The following GRM8 variants were observed in gnomAD, a reference collection of about 807,000 sequenced individuals.
GRM8 encodes the protein metabotropic glutamate receptor 8.
Under a neutral mutation model 87.2 loss-of-function variants are expected in GRM8, and 47 were observed. That is an observed-to-expected ratio of 0.54 (90% CI 0.43 to 0.69). GRM8 has a LOEUF of 0.69. GRM8 is among the 30% of genes least tolerant of loss of function. The probability of loss-of-function intolerance (pLI) is 0.00; values close to 1 mark genes in which losing one functional copy is unlikely to be tolerated. For synonymous variants in GRM8, 396 were observed against 404.5 expected, an observed-to-expected ratio of 0.98 and a Z score of 0.25; for missense variants, 1,019 against 1,139.2, an observed-to-expected ratio of 0.89 and a Z score of 1.52.
chr7:126,570,593 T>C (rs142921621), intron 8 of GRM8, among the ~76,000 whole-genome samples: 39 of 152,344 alleles, frequency 2.6e-4, no homozygotes, highest in South Asian at 6.2e-4. Context: ...CACCCATTTA[T>C]TGGAAGGTTG....
chr7:126,462,924 G>A (rs1308077330), intron 9 of GRM8, among the ~76,000 whole-genome samples: 3 of 151,596 alleles, frequency 2.0e-5, no homozygotes, highest in Non-Finnish European at 3.0e-5. Context: ...ATGTGGCATA[G>A]GTAGCTAACA....
chr7:127,029,992 T>C (rs1296092015), intron 3 of GRM8, among the ~76,000 whole-genome samples: 3 of 152,076 alleles, frequency 2.0e-5, no homozygotes, highest in Non-Finnish European at 4.4e-5. Context: ...TTTATGTGCC[T>C]GGCGAATAAA....
chr7:127,116,203 T>A (rs1318826794), intron 2 of GRM8, among the ~76,000 whole-genome samples: 1 of 152,228 alleles, frequency 6.6e-6, no homozygotes, highest in South Asian at 2.1e-4. Context: ...AATTTTGCCT[T>A]TTTAAAAAAT....
At chr7:126,979,063 G>GA (rs1368692430) in intron 3 of GRM8, among the ~76,000 whole-genome samples, 5 of 152,162 alleles carry the variant, frequency 3.3e-5, no homozygotes, top group Non-Finnish European at 7.3e-5. Flanking sequence ...GTAAAGATCT[G>GA]AAGCATACTT....
intron 7 of GRM8, 79 bp from the exon 8 acceptor site, chr7:126,609,577 G>A: frequency 1.9e-6 from 2 of 1,049,874 alleles, no homozygotes; most frequent in Non-Finnish European, 1.4e-6. Context: ...TAGAAGGAAT[G>A]GTAGATAAAA....
rs551489318 is a variant in GRM8 at position 126,972,266 on chromosome 7, T to C, written c.728-67583A>G. ...TAACACATTCAAGAACCAGTCAATT[T>C]GGTGAAAAAAGAAAAATCAAATTGC... On this transcript the variant is annotated intron_variant, in intron 3 of 10. Coordinates refer to ENST00000339582, the MANE Select transcript of GRM8 (RefSeq NM_000845.3). 6.6e-5 allele frequency among the ~76,000 whole-genome samples: 10 copies of C among 152,314 alleles called. No homozygotes were observed. The South Asian group carries it at 2.1e-3, about 32-fold the overall frequency.
intron 7 of GRM8, among the ~76,000 whole-genome samples, chr7:126,650,064 A>G (rs1323621739): frequency 6.6e-6 from 1 of 152,196 alleles, no homozygotes; most frequent in Admixed American, 6.5e-5. Flanking sequence ...GTGGAAACTG[A>G]ATATTTGACT....
chr7:126,996,939 C>T (rs17867726), intron 3 of GRM8, among the ~76,000 whole-genome samples: 48,689 of 151,648 alleles, frequency 0.32, 8,176 homozygotes, highest in African/African-American at 0.4. Flanking sequence ...ATAGAACAAA[C>T]GCATCTAATA....
At chr7:126,540,799 T>C (rs1345676276) in intron 8 of GRM8, among the ~76,000 whole-genome samples, 1 of 152,164 alleles carries the variant, frequency 6.6e-6, no homozygotes, top group Non-Finnish European at 1.5e-5. Flanking sequence ...GGTATGGGAT[T>C]TCTTGGATGA....
At position 126,911,496 on chromosome 7, in the gene GRM8, G is replaced by T. The variant is rs374054828; in HGVS notation, c.728-6813C>A. 2.0e-5 allele frequency among the ~76,000 whole-genome samples: 3 copies of T among 152,300 alleles called. No individual in the cohort carries two copies. In the East Asian group the frequency reaches 5.8e-4, roughly 29 times the overall value. ...GGGTGCCAATTGTTAAGCAAAAGTT[G>T]TTATGGAAACAACCACATGTTCTGT... On this transcript the variant is annotated intron_variant, in intron 3 of 10. Transcript: ENST00000339582.
chr7:127,233,081 C>T (rs1270689936), intron 2 of GRM8, among the ~76,000 whole-genome samples: 2 of 152,048 alleles, frequency 1.3e-5, no homozygotes, highest in Admixed American at 1.3e-4. Context: ...CCACCTGCCT[C>T]GGCCTCCCAA....
intron 7 of GRM8, among the ~76,000 whole-genome samples, chr7:126,647,340 TAGATATAG>T (rs1803257818): frequency 7.2e-6 from 1 of 139,504 alleles, no homozygotes; most frequent in Non-Finnish European, 1.5e-5. Context: ...GATAGATAGA[TAGATATAG>T]ATATAGATAG....
At chr7:126,501,908 T>C (rs560780727) in intron 9 of GRM8, among the ~76,000 whole-genome samples, 25 of 152,136 alleles carry the variant, frequency 1.6e-4, no homozygotes, top group Non-Finnish European at 2.8e-4. Context: ...AGGGTGCCTA[T>C]TACAGAAATG....
In GRM8 at chr7:126,670,978, C is replaced by A. The variant is rs1009923754; in HGVS notation, c.1358-61480G>T. ...CTTATGGCAATATAGTTGTTTGCAT[C>A]AGTACAATAAGAATCCATTTTTCTT... On this transcript the variant is annotated intron_variant, in intron 7 of 10. Coordinates refer to ENST00000339582, the MANE Select transcript of GRM8 (RefSeq NM_000845.3). Among the ~76,000 whole-genome samples, 3 of 152,146 alleles carry A rather than the reference C, an allele frequency of 2.0e-5. No homozygotes were observed. The South Asian group carries it at 6.2e-4, about 32-fold the overall frequency.
chr7:126,804,678 T>A (rs6467099), intron 6 of GRM8, among the ~76,000 whole-genome samples: 1 of 152,050 alleles, frequency 6.6e-6, no homozygotes, highest in African/African-American at 2.4e-5. Context: ...GCTGAAAACA[T>A]TACAGCCTGA....
chr7:126,690,931 T>C (rs1419577348), intron 7 of GRM8, among the ~76,000 whole-genome samples: 1 of 151,374 alleles, frequency 6.6e-6, no homozygotes, highest in Non-Finnish European at 1.5e-5. Context: ...AGAGGGGAGG[T>C]AGTGAATGCT....
chr7:126,507,805 A>T (rs1205602451), intron 9 of GRM8, among the ~76,000 whole-genome samples: 1 of 151,870 alleles, frequency 6.6e-6, no homozygotes. Context: ...CTTGGCCCTA[A>T]ATACCCCCTA....
intron 2 of GRM8, among the ~76,000 whole-genome samples, chr7:127,189,640 A>G (rs1323452034): frequency 6.6e-6 from 1 of 152,176 alleles, no homozygotes; most frequent in Non-Finnish European, 1.5e-5. Context: ...AAAAGGAAAA[A>G]ATAGAAACAA....
chr7:127,174,340 A>G (rs1433116166), intron 2 of GRM8, among the ~76,000 whole-genome samples: 1 of 152,170 alleles, frequency 6.6e-6, no homozygotes, highest in Non-Finnish European at 1.5e-5. Flanking sequence ...TTGTCTGCCT[A>G]AAGTTTGAAC....
Sources: allele counts gnomAD v4.1 joint callset (sites outside exome capture counted in the v4.1 genomes callset), GRCh38; gene constraint gnomAD v4.1.1; transcripts MANE v1.5; gene names NCBI Gene and HGNC (gene_info 2026-07-23, HGNC 2026-07-21).